Variants in IMMT observed in about 807,000 individuals in gnomAD.
IMMT encodes inner membrane mitochondrial protein, also known as MICOS complex subunit MIC60.
Under a neutral mutation model 92.7 loss-of-function variants are expected in IMMT, and 40 were observed. The observed-to-expected ratio is 0.43, with a 90% confidence interval of 0.34 to 0.56. The LOEUF (loss-of-function observed/expected upper bound fraction) is 0.56, where lower values mean the gene tolerates loss of function less well. Among genes scored for constraint, IMMT ranks in the 20% least tolerant of loss-of-function variants. The pLI, the probability that IMMT is intolerant of heterozygous loss-of-function variation, is 0.03. For synonymous variants in IMMT, 322 were observed against 336.1 expected (o/e 0.96, Z 0.46); for missense variants, 831 against 912.1 (o/e 0.91, Z 1.14).
chr2:86,159,224 T>A, intron 9 of IMMT: 1 of 373,840 alleles, frequency 2.7e-6, no homozygotes, highest in South Asian at 2.2e-5. Flanking sequence ...TAGCTAGGAC[T>A]ACAGGCGCAC....
intron 7 of IMMT, among the ~76,000 whole-genome samples, chr2:86,164,052 A>T (rs1219901725): frequency 7.5e-4 from 47 of 63,036 alleles, no homozygotes; most frequent in African/African-American, 9.4e-4. Context: ...CACTTTAGTC[A>T]TTTTTTTTTT....
At chr2:86,154,064 A>G (rs1318380757) in intron 10 of IMMT, among the ~76,000 whole-genome samples, 1 of 151,946 alleles carries the variant, frequency 6.6e-6, no homozygotes, top group Non-Finnish European at 1.5e-5. Flanking sequence ...GGGTTTTGCC[A>G]TGTTGCCCAG....
intron 1 of IMMT, among the ~76,000 whole-genome samples, chr2:86,183,477 ATTTTC>A (rs1672560291): frequency 6.6e-6 from 1 of 151,904 alleles, no homozygotes; most frequent in Non-Finnish European, 1.5e-5. Flanking sequence ...TCTACCTTCT[ATTTTC>A]TTTTATCTTG....
At chr2:86,157,830 T>G (rs1007830350) in intron 10 of IMMT, among the ~76,000 whole-genome samples, 1 of 145,972 alleles carries the variant, frequency 6.9e-6, no homozygotes. Flanking sequence ...TACAAAAAAT[T>G]AGCCTGGTGT....
chr2:86,168,104 A>G (rs1456348429), intron 6 of IMMT, among the ~76,000 whole-genome samples: 2 of 152,222 alleles, frequency 1.3e-5, no homozygotes, highest in Non-Finnish European at 2.9e-5. Flanking sequence ...GTCAAAAAAT[A>G]CAAAACAAAA....
At chr2:86,166,019 T>G (rs1676647969) in intron 7 of IMMT, among the ~76,000 whole-genome samples, 1 of 152,234 alleles carries the variant, frequency 6.6e-6, no homozygotes, top group South Asian at 2.1e-4. Flanking sequence ...AAGGCTTTTT[T>G]CAGTTTGTTT....
chr2:86,179,065 AC>A lies in IMMT; in HGVS notation c.309+367del, dbSNP rs1218647668. Among the ~76,000 whole-genome samples, 3 of 151,922 alleles carry A rather than the reference AC, an allele frequency of 2.0e-5. No homozygotes were observed. The East Asian group carries it at 5.8e-4, about 29-fold the overall frequency. ...AACAAGGGTGAAACTCTGTCTCAAAACAAAAACAAAAACAAAAACAAACAAA... is the reference window on the plus strand; with the variant it reads ...AACAAGGGTGAAACTCTGTCTCAAAAAAAAACAAAAACAAAAACAAACAAA... On this transcript the variant is annotated intron_variant, in intron 3 of 14. Transcript: ENST00000410111.
chr2:86,161,896 A>T (rs971503150), intron 8 of IMMT, 80 bp downstream of exon 8: 1 of 844,530 alleles, frequency 1.2e-6, no homozygotes, highest in Non-Finnish European at 2.0e-6. Context: ...TTTATTCTAT[A>T]CAGACAATAC....
At chr2:86,156,057 CCTTT>C (rs1187455465) in intron 10 of IMMT, among the ~76,000 whole-genome samples, 1 of 152,058 alleles carries the variant, frequency 6.6e-6, no homozygotes, top group Non-Finnish European at 1.5e-5. Context: ...TCTACATGGC[CCTTT>C]CTTTAGCACA....
rs1045688868 is a variant in IMMT, at chr2:86,195,344, G to A, written c.39C>T (p.Ala13=). ...RACQLSGVTA[A]AQSCLCGKFV... Reference sequence around the variant, plus strand: ...CGGGAGCCCCAGTGCTCACCTGGGCGGCGGCGGTCACACCCGATAACTGAC... The same window carrying A: ...CGGGAGCCCCAGTGCTCACCTGGGCAGCGGCGGTCACACCCGATAACTGAC... The change falls in exon 1 of 15, where the codon GCC becomes GCT. Residue 13 remains alanine, a synonymous_variant. Transcript: ENST00000410111. 6.5e-7 allele frequency: 1 copy of A among 1,549,292 alleles called. No homozygotes were observed. The highest frequency in any genetic ancestry group is 1.4e-5 in the African/African-American group (1 of 72,850).
chr2:86,167,271 A>G (rs1392312405), intron 6 of IMMT, among the ~76,000 whole-genome samples: 1 of 139,336 alleles, frequency 7.2e-6, no homozygotes, highest in Non-Finnish European at 1.5e-5. Context: ...TCCCGGGTTC[A>G]CGCCATTCTC....
intron 1 of IMMT, among the ~76,000 whole-genome samples, chr2:86,193,842 A>C (rs920845220): frequency 6.6e-6 from 1 of 152,238 alleles, no homozygotes; most frequent in African/African-American, 2.4e-5. Flanking sequence ...AGTTTTAATT[A>C]GTTTTCTTAA....
intron 6 of IMMT, among the ~76,000 whole-genome samples, chr2:86,169,152 AGAT>A (rs1275928985): frequency 6.6e-6 from 1 of 152,260 alleles, no homozygotes; most frequent in Admixed American, 6.5e-5. Context: ...CCAAAATGAA[AGAT>A]GAGAGGAACC....
intron 12 of IMMT, among the ~76,000 whole-genome samples, chr2:86,149,822 A>G (rs1228251671): frequency 6.6e-6 from 1 of 151,142 alleles, no homozygotes; most frequent in African/African-American, 2.4e-5. Context: ...AGAGGTTGCA[A>G]TGAGCCAAGA....
chr2:86,192,143 G>A (rs993031712), intron 1 of IMMT, among the ~76,000 whole-genome samples: 2 of 152,174 alleles, frequency 1.3e-5, no homozygotes, highest in African/African-American at 4.8e-5. Flanking sequence ...TGAGGTGGGA[G>A]GATCGCTTAA....
chr2:86,189,782 C>T (rs1673004496), intron 1 of IMMT, among the ~76,000 whole-genome samples: 1 of 152,136 alleles, frequency 6.6e-6, no homozygotes, highest in Non-Finnish European at 1.5e-5. Flanking sequence ...AACAAATTAA[C>T]TTTTTCTACT....
At chr2:86,149,529 A>G (rs1367204345) in intron 12 of IMMT, among the ~76,000 whole-genome samples, 2 of 152,170 alleles carry the variant, frequency 1.3e-5, no homozygotes, top group Non-Finnish European at 2.9e-5. Flanking sequence ...AAGAAAGGGC[A>G]AATTGGCTGG....
chr2:86,195,290 G>A (rs765643552), intron 1 of IMMT, 48 bp downstream of exon 1: 3 of 1,466,406 alleles, frequency 2.0e-6, no homozygotes, highest in African/African-American at 2.9e-5. Context: ...TTTCGCTGAC[G>A]GTTCTAGTTC....
intron 6 of IMMT, among the ~76,000 whole-genome samples, chr2:86,167,484 G>GTTTTTT (rs66768832): frequency 8.1e-5 from 10 of 123,162 alleles, no homozygotes; most frequent in South Asian, 8.0e-4. Flanking sequence ...TTTGTTTTTT[G>GTTTTTT]TTTTTTTTTT....
Sources: gnomAD v4.1 joint callset for allele counts (sites outside exome capture counted in the v4.1 genomes callset) on GRCh38, gnomAD v4.1.1 for gene constraint, MANE v1.5 for transcripts, NCBI Gene and HGNC (gene_info 2026-07-23, HGNC 2026-07-21) for gene names.